Variants in ELMO2 observed in about 807,000 individuals in gnomAD.
ELMO2 encodes engulfment and cell motility 2.
ELMO2 carries 37 observed loss-of-function variants against 96.2 expected under a neutral mutation model. The observed-to-expected ratio is 0.38, with a 90% CI of 0.30 to 0.51. The LOEUF is 0.51. ELMO2 is among the 20% of genes least tolerant of loss of function. The probability of loss-of-function intolerance (pLI) is 0.88; values close to 1 mark genes in which losing one functional copy is unlikely to be tolerated. For missense variants in ELMO2, 561 were observed against 912.6 expected (o/e 0.61, Z 4.96); for synonymous variants, 315 against 329.4 (o/e 0.96, Z 0.47).
Position 46,367,358 on chromosome 20 carries a change from G to C in ELMO2, c.*2C>G. On this transcript the variant is annotated 3_prime_UTR_variant, in exon 22 of 22. Coordinates refer to ENST00000290246, the MANE Select transcript of ELMO2 (RefSeq NM_133171.5). Reference sequence around the variant, plus strand: ...TGGGTACCGTCGTTTCTGGCTCCAGGCTCAGCCATAGTGATAGACAAAGTC... The same window carrying C: ...TGGGTACCGTCGTTTCTGGCTCCAGCCTCAGCCATAGTGATAGACAAAGTC... 1 of 1,521,082 alleles carries C rather than the reference G, an allele frequency of 6.6e-7. No homozygotes were observed. Among genetic ancestry groups the C allele is most frequent in the Non-Finnish European group, 8.8e-7 (1 of 1,133,858 alleles). The allele number at this position is 1,521,082 out of a possible 1,614,324, so 94.2% of individuals were successfully genotyped here.
intron 1 of ELMO2, among the ~76,000 whole-genome samples, chr20:46,404,796 T>G (rs755526514): frequency 1.4e-4 from 21 of 152,204 alleles, no homozygotes; most frequent in Non-Finnish European, 2.9e-4. Context: ...ATAATATAAT[T>G]TTGGAATATA....
rs765865628 is a variant in ELMO2, at chr20:46,375,287, G to A, written c.1014C>T (p.Thr338=). Residue 338 remains threonine (T), a synonymous_variant, in exon 13 of 22, where the codon ACC becomes ACT. Coordinates refer to ENST00000290246, the MANE Select transcript of ELMO2 (RefSeq NM_133171.5). The surrounding 1 kb of genome is among the most constrained non-coding windows in gnomAD (Gnocchi z 4.6). ...TTGTGTACATGGCTTTGCGTTTTTC[G>A]GTCCCACTCCCAGGGGCATTGCTAG... ...SDPSNAPGSG[T]EKRKAMYTKD... The A allele has an allele frequency of 2.6e-5, 42 of 1,613,898 alleles. No homozygotes were observed. Among genetic ancestry groups the A allele is most frequent in the East Asian group, 4.5e-5 (2 of 44,886 alleles).
At chr20:46,369,973 T>G (rs2059667606) in intron 20 of ELMO2, 2 of 257,296 alleles carry the variant, frequency 7.8e-6, no homozygotes, top group South Asian at 3.3e-5. Flanking sequence ...TGTGTGTGTG[T>G]GTGTGTGTGT....
At chr20:46,388,302 A>T (rs1482055020) in intron 7 of ELMO2, among the ~76,000 whole-genome samples, 1 of 152,206 alleles carries the variant, frequency 6.6e-6, no homozygotes, top group Non-Finnish European at 1.5e-5. Flanking sequence ...AAGATCCAAT[A>T]TGTAAAACAA....
chr20:46,378,433 A>G (rs1185055072), intron 11 of ELMO2, among the ~76,000 whole-genome samples: 1 of 152,268 alleles, frequency 6.6e-6, no homozygotes, highest in African/African-American at 2.4e-5. Context: ...AGTCTCAAAC[A>G]TAATTAAATT....
At chr20:46,370,357 C>G in intron 20 of ELMO2, 86 bp downstream of exon 20, 1 of 1,197,850 alleles carries the variant, frequency 8.3e-7, no homozygotes, top group Admixed American at 1.7e-5. Context: ...GGGGAAGATG[C>G]CAAGAATGCA....
rs2059833255 is a variant in ELMO2, at chr20:46,375,193, C to G, written c.1065+43G>C. ...CTGGGTGGGACCATTGACTTCCCATCAGGGGAGAGGGCCTACCACCGTCTA... is the reference window on the plus strand; with the variant it reads ...CTGGGTGGGACCATTGACTTCCCATGAGGGGAGAGGGCCTACCACCGTCTA... On this transcript the variant is annotated intron_variant, in intron 13 of 21. Coordinates refer to ENST00000290246, the MANE Select transcript of ELMO2 (RefSeq NM_133171.5). This position sits in a 1 kb window ranked among gnomAD's most constrained non-coding sequence, Gnocchi z 4.6. 6.3e-7 allele frequency: 1 copy of G among 1,596,142 alleles called. No individual in the cohort carries two copies. Among genetic ancestry groups the G allele is most frequent in the South Asian group, 1.1e-5 (1 of 89,508 alleles).
chr20:46,374,346 T>C lies in ELMO2; in HGVS notation c.1265A>G (p.Gln422Arg). 6.2e-7 allele frequency: 1 copy of C among 1,614,066 alleles called. No individual in the cohort carries two copies. The highest frequency in any genetic ancestry group is 8.5e-7 in the Non-Finnish European group (1 of 1,179,952). The change falls in exon 15 of 22, where the codon CAG becomes CGG. Residue 422 changes from glutamine (Q) to arginine (R), a missense_variant. Physicochemically the swap from Gln to Arg is conservative, Grantham distance 43 (BLOSUM62 1). Coordinates refer to ENST00000290246, the MANE Select transcript of ELMO2 (RefSeq NM_133171.5). Reference sequence around the variant, plus strand: ...CAGAGACTTACGTAGTTCCCCAACCTGCAGGATTTCACAGAGCATTTTGGT... The same window carrying C: ...CAGAGACTTACGTAGTTCCCCAACCCGCAGGATTTCACAGAGCATTTTGGT... Reference protein sequence around the residue: ...ELTKMLCEILQVGELPNEGRN... With the variant: ...ELTKMLCEILRVGELPNEGRN...
chr20:46,393,664 G>T, intron 4 of ELMO2, 63 bp from the exon 5 acceptor site: 1 of 1,562,412 alleles, frequency 6.4e-7, no homozygotes, highest in Non-Finnish European at 8.8e-7. Flanking sequence ...CTGCTCATAA[G>T]TAATTTTCAA....
rs1379097894 is a variant in ELMO2 at position 46,373,365 on chromosome 20, C to T, written c.1416+34G>A. 5.0e-6 allele frequency: 8 copies of T among 1,612,630 alleles called. No individual in the cohort carries two copies. In the Admixed American group the frequency reaches 1.0e-4, roughly 20 times the overall value. ...AAAGGCTGTCGTGTGATGGTCTCCT[C>T]CCGTGGGCCTCAGAGCAGCCCGGAG... On this transcript the variant is annotated intron_variant, in intron 16 of 21. Coordinates refer to ENST00000290246, the MANE Select transcript of ELMO2 (RefSeq NM_133171.5).
chr20:46,369,183 G>C, intron 20 of ELMO2: 1 of 499,444 alleles, frequency 2.0e-6, no homozygotes, highest in Non-Finnish European at 3.6e-6. Flanking sequence ...TCACATCAAA[G>C]ATGTTGTGAT....
At chr20:46,380,389 T>G (rs745737914) in intron 10 of ELMO2, 86 bp from the exon 11 acceptor site, 119 of 1,182,594 alleles carry the variant, frequency 1.0e-4, no homozygotes, top group Middle Eastern at 2.0e-4. Flanking sequence ...GTCAAAATTC[T>G]GGGCCTTTTT....
At chr20:46,395,562 T>C (rs966472806) in intron 2 of ELMO2, among the ~76,000 whole-genome samples, 1 of 152,226 alleles carries the variant, frequency 6.6e-6, no homozygotes, top group African/African-American at 2.4e-5. Context: ...GTACAAAGCA[T>C]AGCTGTCGCG....
intron 1 of ELMO2, among the ~76,000 whole-genome samples, chr20:46,406,332 GTC>G (rs2060443696): frequency 6.6e-6 from 1 of 151,994 alleles, no homozygotes; most frequent in African/African-American, 2.4e-5. Context: ...CCAGGACCCG[GTC>G]TCTCCTCCCT....
In ELMO2 at chr20:46,367,366, A is replaced by T. The variant is rs777989540; in HGVS notation, c.2157T>A (p.Tyr719Ter). ...EPSSYDFVYH[Y>*]G The stretch of plus-strand genomic sequence containing the variant: ...GTCGTTTCTGGCTCCAGGCTCAGCC[A>T]TAGTGATAGACAAAGTCATAGCTGC... Residue 719 changes from tyrosine (Y) to a stop codon, truncating the protein, a stop_gained, in exon 22 of 22, where the codon TAT becomes TAA. Coordinates refer to ENST00000290246, the MANE Select transcript of ELMO2 (RefSeq NM_133171.5). LOFTEE classifies it high-confidence loss of function. The T allele has an allele frequency of 1.3e-6, 2 of 1,512,272 alleles. No homozygotes were observed. Among genetic ancestry groups the T allele is most frequent in the Non-Finnish European group, 8.9e-7 (1 of 1,123,474 alleles). 93.7% of individuals were successfully genotyped at this position (1,512,272 alleles called of 1,614,324 possible).
At chr20:46,370,321 C>G in intron 20 of ELMO2, 122 bp downstream of exon 20, 1 of 927,182 alleles carries the variant, frequency 1.1e-6, no homozygotes, top group East Asian at 2.5e-5. Context: ...GTTCAAAATT[C>G]TTAATAAAAC....
In ELMO2 at chr20:46,371,694, G is replaced by A. The variant is rs775583783; in HGVS notation, c.1581-3C>T. ...GCTGGATCTTCTCCCTCAGCTCCCTGGGGTGGACACACACTGGAGTGAGCG... is the reference window on the plus strand; with the variant it reads ...GCTGGATCTTCTCCCTCAGCTCCCTAGGGTGGACACACACTGGAGTGAGCG... On this transcript the variant is annotated splice_polypyrimidine_tract_variant and splice_region_variant and intron_variant, in intron 17 of 21. Transcript: ENST00000290246. The surrounding 1 kb of genome is among the most constrained non-coding windows in gnomAD (Gnocchi z 5.9). 1.9e-6 allele frequency: 3 copies of A among 1,613,684 alleles called. No homozygotes were observed.
chr20:46,381,573 T>C (rs1477087813), intron 10 of ELMO2, among the ~76,000 whole-genome samples: 1 of 152,174 alleles, frequency 6.6e-6, no homozygotes, highest in Non-Finnish European at 1.5e-5. Flanking sequence ...ACTTCTCTGG[T>C]AACTATAGGA....
In ELMO2 at chr20:46,375,648, C is replaced by T; in HGVS notation, c.930+20G>A. ...CTGCACCACAGCCATGAGAAAACAGCTGCCCCACTTAGCACCTACCTGGTC... is the reference window on the plus strand; with the variant it reads ...CTGCACCACAGCCATGAGAAAACAGTTGCCCCACTTAGCACCTACCTGGTC... On this transcript the variant is annotated intron_variant, in intron 12 of 21. Transcript: ENST00000290246. The surrounding 1 kb of genome is among the most constrained non-coding windows in gnomAD (Gnocchi z 4.6). The T allele has an allele frequency of 1.2e-6, 2 of 1,613,912 alleles. No homozygotes were observed. Among genetic ancestry groups the T allele is most frequent in the Non-Finnish European group, 1.7e-6 (2 of 1,179,788 alleles).
Sources: gnomAD v4.1 joint callset for allele counts (sites outside exome capture counted in the v4.1 genomes callset) on GRCh38, gnomAD v4.1.1 for gene constraint, Gnocchi (gnomAD v3.1) non-coding constraint, MANE v1.5 for transcripts, NCBI Gene and HGNC (gene_info 2026-07-23, HGNC 2026-07-21) for gene names.